Variants in ARID3C observed in about 807,000 individuals in gnomAD.
ARID3C encodes the protein AT-rich interaction domain 3C, also known as AT-rich interactive domain-containing protein 3C.
Under a neutral mutation model 37.9 loss-of-function variants are expected in ARID3C, and 42 were observed. The observed-to-expected ratio is 1.11, with a 90% CI of 0.87 to 1.43. ARID3C has a LOEUF of 1.43. Among genes scored for constraint, ARID3C ranks in the 40% most tolerant of loss-of-function variants. The pLI is 0.00. For missense variants in ARID3C, 581 were observed against 548.8 expected (o/e 1.06, Z -0.59); for synonymous variants, 213 against 228.0 (o/e 0.93, Z 0.59).
At position 34,623,510 on chromosome 9, in the gene ARID3C, C is replaced by A; in HGVS notation, c.780G>T (p.Gln260His). Residue 260 changes from glutamine to histidine, a missense_variant, in exon 4 of 7, where the codon CAG becomes CAT. By Grantham distance (24) the Gln-to-His change is conservative. Transcript: ENST00000378909. ...AACCCTGGGCTGGGCCAGGGCTGGA[C>A]TGGGTCGCCGGAGGGGCGGGGCCGG... The A allele has an allele frequency of 1.9e-6, 3 of 1,561,548 alleles. No individual in the cohort carries two copies. The highest frequency in any genetic ancestry group is 2.6e-6 in the Non-Finnish European group (3 of 1,157,772).
chr9:34,623,374 G>T (rs761743728), intron 4 of ARID3C, 51 bp downstream of exon 5: 3 of 1,456,766 alleles, frequency 2.1e-6, no homozygotes, highest in African/African-American at 2.9e-5. Flanking sequence ...ATATCTTAGC[G>T]CCCACCTAAA....
At chr9:34,623,954 T>C (rs1820618969) in exon 3 of ARID3C, 1 of 1,606,262 alleles carries the variant, frequency 6.2e-7, no homozygotes, top group Non-Finnish European at 8.5e-7. Flanking sequence ...GTTGATGACT[T>C]CCACCAGGCC....
rs778018688 is a variant in ARID3C at position 34,623,719 on chromosome 9, G to A, written c.576-5C>T. 2.0e-6 allele frequency: 3 copies of A among 1,531,952 alleles called. No individual in the cohort carries two copies. The highest frequency in any genetic ancestry group is 3.9e-5 in the Admixed American group (2 of 51,684). 94.9% of individuals were successfully genotyped at this position (1,531,952 alleles called of 1,614,324 possible). A position where few individuals can be genotyped will look rare whatever the true frequency, so the allele number is the denominator to read the frequency against. ...GGGTACAGGTACTTCATGTACCTAG[G>A]GGCGGACAGCGGGCGGTGAGTGTAT... On this transcript the variant is annotated splice_polypyrimidine_tract_variant and splice_region_variant and intron_variant, in intron 3 of 6. Transcript: ENST00000378909.
chr9:34,622,874 C>T (rs376771876), intron 4 of ARID3C, among the ~76,000 whole-genome samples: 2 of 151,946 alleles, frequency 1.3e-5, no homozygotes, highest in Non-Finnish European at 2.9e-5. Flanking sequence ...CCTGGCCGGG[C>T]GCGGTGACTC....
chr9:34,621,140 G>A (rs555742426), downstream of ARID3C, among the ~76,000 whole-genome samples: 63 of 152,276 alleles, frequency 4.1e-4, no homozygotes, highest in African/African-American at 1.5e-3. Flanking sequence ...GGCTCCTGAA[G>A]AGAAGCAGGG....
upstream of ARID3C, among the ~76,000 whole-genome samples, chr9:34,631,237 G>C (rs1820720866): frequency 6.6e-6 from 1 of 152,168 alleles, no homozygotes; most frequent in South Asian, 2.1e-4. Flanking sequence ...GCTTTGTAGG[G>C]TTTGGGTTGA....
chr9:34,629,982 C>G (rs138907277), upstream of ARID3C, among the ~76,000 whole-genome samples: 51 of 152,156 alleles, frequency 3.4e-4, no homozygotes, highest in African/African-American at 1.2e-3. Context: ...AGGCTGGTCT[C>G]GAACTCCTGA....
At chr9:34,632,982 G>A (rs1285411062), upstream of ARID3C, among the ~76,000 whole-genome samples, 1 of 151,994 alleles carries the variant, frequency 6.6e-6, no homozygotes, top group Admixed American at 6.6e-5. Context: ...CCTGGGAAGG[G>A]GTGTAAACAG....
chr9:34,624,640 G>GCGCCGCCCC (rs999195828), intron 2 of ARID3C, among the ~76,000 whole-genome samples: 1 of 152,222 alleles, frequency 6.6e-6, no homozygotes, highest in African/African-American at 2.4e-5. Context: ...TCCGCAGCCC[G>GCGCCGCCCC]CGCCGCCCCC....
upstream of ARID3C, among the ~76,000 whole-genome samples, chr9:34,630,028 G>T (rs1485588428): frequency 6.6e-6 from 1 of 152,170 alleles, no homozygotes; most frequent in Non-Finnish European, 1.5e-5. Context: ...CACCCACAGT[G>T]CTGGGATTAC....
At chr9:34,622,351 C>T in exon 5 of ARID3C, 1 of 1,606,884 alleles carries the variant, frequency 6.2e-7, no homozygotes. Flanking sequence ...CCTCACCCCT[C>T]AGGGGAACCT....
intron 1 of ARID3C, among the ~76,000 whole-genome samples, chr9:34,626,929 C>A (rs913326065): frequency 2.6e-5 from 4 of 152,176 alleles, no homozygotes; most frequent in African/African-American, 9.7e-5. Flanking sequence ...AGACACAGCC[C>A]TGTGTAACAC....
chr9:34,624,221 G>GGGC (rs200631236), intron 2 of ARID3C, among the ~76,000 whole-genome samples, 174 bp from the exon 4 acceptor site: 1 of 151,960 alleles, frequency 6.6e-6, no homozygotes, highest in African/African-American at 2.4e-5. Context: ...GGCTAGAACG[G>GGGC]GGGGGGGCAA....
Position 34,621,401 on chromosome 9 carries a change from G to A in ARID3C, c.*57C>T, listed in dbSNP as rs1820555197. The A allele has an allele frequency of 3.3e-6, 4 of 1,223,732 alleles. No individual in the cohort carries two copies. In the Admixed American group the frequency reaches 9.0e-5, roughly 27 times the overall value. The allele number at this position is 1,223,732 out of a possible 1,614,324, so 75.8% of individuals were successfully genotyped here. On this transcript the variant is annotated 3_prime_UTR_variant, in exon 7 of 7. Coordinates refer to ENST00000378909, the Ensembl canonical transcript of ARID3C. ...GGGCAGCCAGAAAGAATCAAAGCAG[G>A]GGGTCTCCTCCCCCCTCAGCAATGG...
rs1238765070 is a variant in ARID3C at position 34,628,002 on chromosome 9, G to T, written c.13C>A (p.Gln5Lys). ...GCCAGCCGAGCTGCCTGCTGCTTCTGCAGGGCCTCCATGACAGCTTCCAGG... is the reference window on the plus strand; with the variant it reads ...GCCAGCCGAGCTGCCTGCTGCTTCTTCAGGGCCTCCATGACAGCTTCCAGG... Residue 5 changes from glutamine (Q) to lysine (K), a missense_variant, in exon 1 of 7, where the codon CAG becomes AAG. By Grantham distance (53) the Gln-to-Lys change is moderately conservative (BLOSUM62 1). Coordinates refer to ENST00000378909, the Ensembl canonical transcript of ARID3C. The surrounding 1 kb of genome is among the most constrained non-coding windows in gnomAD (Gnocchi z 5.2). 3 of 1,502,152 alleles carry T rather than the reference G, an allele frequency of 2.0e-6. No individual in the cohort carries two copies. Among genetic ancestry groups the T allele is most frequent in the Non-Finnish European group, 2.7e-6 (3 of 1,122,876 alleles). The allele number at this position is 1,502,152 out of a possible 1,614,324, so 93.1% of individuals were successfully genotyped here. A position where few individuals can be genotyped will look rare whatever the true frequency, so the allele number is the denominator to read the frequency against.
At chr9:34,621,706 T>G in intron 6 of ARID3C, 148 bp from the exon 8 acceptor site, 1 of 671,420 alleles carries the variant, frequency 1.5e-6, no homozygotes, top group Non-Finnish European at 2.6e-6. Context: ...GACAAGCTCC[T>G]TGGGTCAGTA....
At position 34,622,338 on chromosome 9, in the gene ARID3C, C is replaced by T. The variant is rs1222499588; in HGVS notation, c.1048+9G>A. 24 of 1,598,542 alleles carry T rather than the reference C, an allele frequency of 1.5e-5. No individual in the cohort carries two copies. Among genetic ancestry groups the T allele is most frequent in the Non-Finnish European group, 2.0e-5 (24 of 1,172,420 alleles). The stretch of plus-strand genomic sequence containing the variant: ...TCCCGAAGCCCCCTCACAACAAGCC[C>T]CTCCTCACCCCTCAGGGGAACCTTG... On this transcript the variant is annotated intron_variant, in intron 5 of 6. Transcript: ENST00000378909.
upstream of ARID3C, among the ~76,000 whole-genome samples, chr9:34,631,317 G>T (rs1197509663): frequency 6.6e-5 from 10 of 152,198 alleles, no homozygotes; most frequent in Admixed American, 6.5e-4. Flanking sequence ...CACTTTTGGG[G>T]TCTGGGCCAG....
chr9:34,628,243 G>A (rs1820686118), upstream of ARID3C: 1 of 518,716 alleles, frequency 1.9e-6, no homozygotes, highest in East Asian at 3.1e-5. This position sits in a 1 kb window ranked among gnomAD's most constrained non-coding sequence, Gnocchi z 5.2. Flanking sequence ...ACCAGACCCG[G>A]GGAATCAAAT....
Sources: gnomAD v4.1 joint callset for allele counts (sites outside exome capture counted in the v4.1 genomes callset) on GRCh38, gnomAD v4.1.1 for gene constraint, Gnocchi (gnomAD v3.1) non-coding constraint, MANE v1.5 for transcripts, NCBI Gene and HGNC (gene_info 2026-07-23, HGNC 2026-07-21) for gene names.